The following DNAH17 variants were observed in gnomAD, a reference collection of about 807,000 sequenced individuals.
The protein encoded by DNAH17 is dynein axonemal heavy chain 17.
Under a neutral mutation model 485.6 loss-of-function variants are expected in DNAH17, and 376 were observed. The observed-to-expected ratio is 0.77, with a 90% CI of 0.71 to 0.84. DNAH17 has a LOEUF of 0.84. Ranked by LOEUF, DNAH17 falls within the 40% of genes least tolerant of loss-of-function variation. DNAH17 has a pLI of 0.00. For synonymous variants in DNAH17, 3,031 were observed against 2,405.9 expected, an observed-to-expected ratio of 1.26 and a Z score of -7.60; for missense variants, 6,370 against 5,839.3, an observed-to-expected ratio of 1.09 and a Z score of -2.96.
intron 25 of DNAH17, among the ~76,000 whole-genome samples, chr17:78,523,004 C>A (rs1163327887): frequency 6.6e-6 from 1 of 152,134 alleles, no homozygotes; most frequent in African/African-American, 2.4e-5. Flanking sequence ...CAAGTGCACA[C>A]CACCACGCCC....
At chr17:78,466,620 T>C in intron 56 of DNAH17, 35 bp downstream of exon 56, 3 of 1,580,008 alleles carry the variant, frequency 1.9e-6, no homozygotes, top group Non-Finnish European at 1.7e-6. Context: ...TCCTCTGGGC[T>C]CTACACTCAG....
At chr17:78,432,289 T>C (rs2086703459) in intron 75 of DNAH17, among the ~76,000 whole-genome samples, 1 of 152,236 alleles carries the variant, frequency 6.6e-6, no homozygotes, top group African/African-American at 2.4e-5. Context: ...CTCTCCGTGC[T>C]GAAAGTCCCT....
At position 78,486,143 on chromosome 17, in the gene DNAH17, C is replaced by T. The variant is rs747074406; in HGVS notation, c.7102-10G>A. The stretch of plus-strand genomic sequence containing the variant: ...CTCGATAATCCACAAGCTGTTGAGA[C>T]ACAGAAGTAAAAATCAGGGCCCAGC... On this transcript the variant is annotated splice_polypyrimidine_tract_variant and intron_variant, in intron 45 of 80. Transcript: ENST00000389840. The T allele has an allele frequency of 1.1e-5, 18 of 1,610,882 alleles. No homozygotes were observed. The South Asian group carries it at 1.9e-4, about 17-fold the overall frequency.
intron 17 of DNAH17, among the ~76,000 whole-genome samples, chr17:78,542,290 G>A (rs1052319251): frequency 6.6e-6 from 1 of 151,934 alleles, no homozygotes; most frequent in Admixed American, 6.6e-5. Flanking sequence ...TAGGATTACA[G>A]GTTCCTACCA....
In DNAH17 at chr17:78,449,539, C is replaced by T; in HGVS notation, c.11086G>A (p.Ala3696Thr). 6.2e-7 allele frequency: 1 copy of T among 1,603,436 alleles called. No individual in the cohort carries two copies. Among genetic ancestry groups the T allele is most frequent in the African/African-American group, 1.3e-5 (1 of 74,806 alleles). The stretch of plus-strand genomic sequence containing the variant: ...ATCACCCGCTGCTTCACCTCGTTGG[C>T]AGGGGTGGTCCTCTGGATGGCTTTC... Reference protein sequence around the residue: ...FEKAIQRTTPANEVKQRVINL... With the variant: ...FEKAIQRTTPTNEVKQRVINL... The change falls in exon 69 of 81, where the codon GCC becomes ACC. Residue 3696 changes from alanine (A) to threonine (T), a missense_variant. Transcript: ENST00000389840.
chr17:78,574,772 G>T lies in DNAH17; in HGVS notation c.286C>A (p.Leu96Ile). The T allele has an allele frequency of 6.2e-7, 1 of 1,613,908 alleles. No homozygotes were observed. Residue 96 changes from leucine to isoleucine, a missense_variant, in exon 2 of 81, where the codon CTC becomes ATC. Coordinates refer to ENST00000389840, the MANE Select transcript of DNAH17 (RefSeq NM_173628.4). ...GTGGGGCTGATGTCGCCGTAAAGGA[G>T]CCGGGCCCTGTAGTTGTCCTTGTTG... ...NINKDNYRAR[L>I]LYGDISPTPV...
intron 26 of DNAH17, among the ~76,000 whole-genome samples, chr17:78,512,603 T>C (rs759604855): frequency 6.6e-6 from 1 of 152,058 alleles, no homozygotes; most frequent in Non-Finnish European, 1.5e-5. Context: ...AGGAAATAAA[T>C]TTGCCAAGGA....
chr17:78,524,825 T>G (rs2091022452), intron 25 of DNAH17, among the ~76,000 whole-genome samples, 184 bp downstream of exon 25: 1 of 152,060 alleles, frequency 6.6e-6, no homozygotes. Context: ...GGTGAACATA[T>G]CCTGCTTTAG....
rs937532773 is a variant in DNAH17 at position 78,560,827 on chromosome 17, C to G, written c.1944G>C (p.Val648=). Residue 648 remains valine, a synonymous_variant, in exon 13 of 81, where the codon GTG becomes GTC. Transcript: ENST00000389840. ...EKIYQQWVAG[V]DQDCHFNLGQ... The stretch of plus-strand genomic sequence containing the variant: ...CCAGGTTAAAGTGGCAGTCCTGGTC[C>G]ACGCCCGCCACCCACTGCTGGTAGA... The G allele has an allele frequency of 1.9e-6, 3 of 1,551,818 alleles. No individual in the cohort carries two copies. In the African/African-American group the frequency reaches 4.1e-5, roughly 21 times the overall value.
chr17:78,553,283 G>GTTTTTTTTTTTTTTTTTTTTT lies in DNAH17; in HGVS notation c.2179-499_2179-479dup, dbSNP rs60587420. 3.9e-5 allele frequency among the ~76,000 whole-genome samples: 2 copies of GTTTTTTTTTTTTTTTTTTTTT among 51,034 alleles called. 1 individual carries two copies. The highest frequency in any genetic ancestry group is 6.9e-5 in the Non-Finnish European group (2 of 28,886). The allele number at this position is 51,034 out of a possible 152,430, so 33.5% of individuals were successfully genotyped here. On this transcript the variant is annotated intron_variant, in intron 14 of 80. Transcript: ENST00000389840. ...AAATTACCCAGTCCCAGGTTTTTGT[G>GTTTTTTTTTTTTTTTTTTTTT]TTTTTTTTTTTTTTTTTTTTTTTTT... is the stretch of plus-strand genomic sequence containing the variant.
chr17:78,527,142 G>A (rs1278418501), intron 22 of DNAH17, 146 bp from the exon 23 acceptor site: 8 of 632,672 alleles, frequency 1.3e-5, no homozygotes, highest in Non-Finnish European at 1.9e-5. Flanking sequence ...CAGCACTTTG[G>A]GAGGCTGAGA....
intron 71 of DNAH17, among the ~76,000 whole-genome samples, chr17:78,442,193 G>C (rs776188035): frequency 6.6e-6 from 1 of 152,194 alleles, no homozygotes; most frequent in Admixed American, 6.5e-5. Flanking sequence ...GTGAACGCCC[G>C]AGTGCTCTGA....
intron 32 of DNAH17, 51 bp from the exon 33 acceptor site, chr17:78,502,749 T>C (rs1376331092): frequency 6.3e-7 from 1 of 1,598,836 alleles, no homozygotes; most frequent in Non-Finnish European, 8.5e-7. Context: ...CGCTGGCGCC[T>C]GCTAACGCAG....
chr17:78,527,408 G>A (rs187374511), intron 22 of DNAH17, among the ~76,000 whole-genome samples: 41 of 152,058 alleles, frequency 2.7e-4, no homozygotes, highest in Non-Finnish European at 1.5e-5. Flanking sequence ...ACAAAAACCA[G>A]CCTCCTTAAT....
At chr17:78,457,914 G>C (rs1163114416) in intron 62 of DNAH17, among the ~76,000 whole-genome samples, 2 of 152,138 alleles carry the variant, frequency 1.3e-5, no homozygotes, top group Non-Finnish European at 2.9e-5. Flanking sequence ...ACCCACCTTG[G>C]CCTCCCAAAG....
At chr17:78,575,469 G>A (rs1291890002) in intron 1 of DNAH17, among the ~76,000 whole-genome samples, 1 of 152,208 alleles carries the variant, frequency 6.6e-6, no homozygotes, top group Non-Finnish European at 1.5e-5. Context: ...GGGTCAGGTT[G>A]AAAGGTCCTG....
At chr17:78,513,295 A>G (rs1372186766) in intron 26 of DNAH17, among the ~76,000 whole-genome samples, 1 of 152,204 alleles carries the variant, frequency 6.6e-6, no homozygotes, top group African/African-American at 2.4e-5. Context: ...GATACAACAC[A>G]TGACAGATAG....
chr17:78,430,669 C>T (rs2086640691), intron 75 of DNAH17, among the ~76,000 whole-genome samples: 2 of 150,906 alleles, frequency 1.3e-5, no homozygotes. Context: ...AAACTTCTGC[C>T]TCCTGGGTTC....
intron 48 of DNAH17, among the ~76,000 whole-genome samples, chr17:78,483,016 C>T (rs949115001): frequency 2.0e-5 from 3 of 152,184 alleles, no homozygotes; most frequent in Admixed American, 6.5e-5. Context: ...GAGGCTGAGC[C>T]GCCACAGCCC....
Sources: allele counts gnomAD v4.1 joint callset (sites outside exome capture counted in the v4.1 genomes callset), GRCh38; gene constraint gnomAD v4.1.1; transcripts MANE v1.5; gene names NCBI Gene and HGNC (gene_info 2026-07-23, HGNC 2026-07-21).